KIF1B: variants seen among roughly 807,000 people sequenced by gnomAD.
The protein encoded by KIF1B is kinesin-like protein KIF1B.
Under a neutral mutation model 241.9 loss-of-function variants are expected in KIF1B, and 76 were observed. The ratio of observed to expected loss-of-function variants is 0.31; its 90% CI spans 0.26 to 0.38. The LOEUF (loss-of-function observed/expected upper bound fraction) is 0.38. KIF1B is among the 10% of genes least tolerant of loss of function. KIF1B has a pLI of 1.00. For missense variants in KIF1B, 1,622 were observed against 2,271.4 expected (o/e 0.71, Z 5.81); for synonymous variants, 750 against 796.7 (o/e 0.94, Z 0.99).
intron 26 of KIF1B, among the ~76,000 whole-genome samples, chr1:10,325,261 ATTTG>A (rs921271861): frequency 1.1e-4 from 17 of 152,264 alleles, no homozygotes; most frequent in African/African-American, 1.7e-4. Context: ...TCGTGATCTG[ATTTG>A]TTTTTCTTTT....
chr1:10,303,253 C>A lies in KIF1B; in HGVS notation c.2115+6007C>A. On this transcript the variant is annotated intron_variant, in intron 22 of 48. Coordinates refer to ENST00000676179, the MANE Select transcript of KIF1B (RefSeq NM_001365951.3). This position sits in a 1 kb window ranked among gnomAD's most constrained non-coding sequence, Gnocchi z 5.2. ...TACTTCTCTGAGAGAAAAGCTACCT[C>A]CCAGCAAGTTGCAAACCATTGTTAA... is the stretch of plus-strand genomic sequence containing the variant. 1 of 1,614,118 alleles carries A rather than the reference C, an allele frequency of 6.2e-7. No homozygotes were observed. Among genetic ancestry groups the A allele is most frequent in the Non-Finnish European group, 8.5e-7 (1 of 1,180,006 alleles).
intron 15 of KIF1B, among the ~76,000 whole-genome samples, chr1:10,289,799 G>A (rs1467148094): frequency 2.0e-5 from 3 of 152,124 alleles, no homozygotes; most frequent in Non-Finnish European, 2.9e-5. Context: ...CAGGAGAATC[G>A]CTTGAACCTG....
chr1:10,338,432 A>G (rs1652263649), intron 31 of KIF1B, among the ~76,000 whole-genome samples: 1 of 152,256 alleles, frequency 6.6e-6, no homozygotes, highest in African/African-American at 2.4e-5. Flanking sequence ...TTGTTGGAAT[A>G]TTACCCATTG....
intron 22 of KIF1B, chr1:10,307,257 C>G (rs1419228178): frequency 9.8e-7 from 1 of 1,021,306 alleles, no homozygotes; most frequent in African/African-American, 1.7e-5. Flanking sequence ...AAATAAGTAA[C>G]TAGTGCCATG....
chr1:10,257,835 C>T (rs1022079717), intron 3 of KIF1B, among the ~76,000 whole-genome samples: 6 of 152,012 alleles, frequency 3.9e-5, no homozygotes, highest in Admixed American at 2.0e-4. Context: ...GCCACCACAC[C>T]CGGCTGATTT....
chr1:10,252,833 TCTTA>T lies in KIF1B; in HGVS notation c.107-3409_107-3406del, dbSNP rs577874805. Among the ~76,000 whole-genome samples the T allele has an allele frequency of 3.3e-3, 498 of 151,834 alleles. 2 individuals carry two copies. The highest frequency in any genetic ancestry group is 0.012 in the South Asian group (57 of 4,798). On this transcript the variant is annotated intron_variant, in intron 2 of 48. Coordinates refer to ENST00000676179, the MANE Select transcript of KIF1B (RefSeq NM_001365951.3). ...CTCTCGGGTTCAAGCAATTCTCCTG[TCTTA>T]CTTAGCCTCCCGAGTAGCTGGGATT...
At chr1:10,331,875 A>G (rs1651933162) in intron 27 of KIF1B, among the ~76,000 whole-genome samples, 1 of 152,232 alleles carries the variant, frequency 6.6e-6, no homozygotes, top group Admixed American at 6.5e-5. Flanking sequence ...GCTTTTTTAA[A>G]AAAGTAGTAG....
chr1:10,276,483 T>C (rs994372288), intron 12 of KIF1B, 84 bp downstream of exon 12: 15 of 878,152 alleles, frequency 1.7e-5, no homozygotes, highest in Non-Finnish European at 2.8e-5. Context: ...TTTTATGCTA[T>C]CTGGGTAGTT....
intron 4 of KIF1B, among the ~76,000 whole-genome samples, chr1:10,259,650 C>A (rs1195467016): frequency 2.0e-5 from 3 of 151,916 alleles, no homozygotes; most frequent in African/African-American, 7.3e-5. Flanking sequence ...CAATAGGCAC[C>A]CACCACTATG....
At chr1:10,355,357 T>G (rs1652940060) in intron 38 of KIF1B, 1 of 152,642 alleles carries the variant, frequency 6.6e-6, no homozygotes, top group Non-Finnish European at 1.5e-5. Flanking sequence ...AAGCCTTTTC[T>G]ATGTTTTTGC....
chr1:10,313,652 A>G (rs558990066), intron 22 of KIF1B, among the ~76,000 whole-genome samples: 13 of 142,964 alleles, frequency 9.1e-5, no homozygotes, highest in East Asian at 4.2e-4. Flanking sequence ...CTGGGTTCAC[A>G]CCATTCTCCT....
At chr1:10,294,847 G>A (rs1377030468) in intron 17 of KIF1B, among the ~76,000 whole-genome samples, 2 of 152,172 alleles carry the variant, frequency 1.3e-5, no homozygotes, top group Admixed American at 1.3e-4. Context: ...TAGACAGAGC[G>A]AGACTCTGTC....
At chr1:10,308,691 C>A in intron 22 of KIF1B, 1 of 884,774 alleles carries the variant, frequency 1.1e-6, no homozygotes, top group Non-Finnish European at 1.4e-6. Flanking sequence ...GCTTTTTCAT[C>A]TGAAGATGGT....
At chr1:10,331,987 G>A (rs957630767) in intron 27 of KIF1B, among the ~76,000 whole-genome samples, 5 of 152,142 alleles carry the variant, frequency 3.3e-5, no homozygotes, top group Admixed American at 2.6e-4. Flanking sequence ...ATGCATTTCT[G>A]AATTAGGTTT....
intron 24 of KIF1B, among the ~76,000 whole-genome samples, chr1:10,322,363 C>T (rs907495443): frequency 6.6e-6 from 1 of 152,134 alleles, no homozygotes. Flanking sequence ...CCTCCATTCC[C>T]CCATCTACAT....
intron 22 of KIF1B, chr1:10,306,982 G>A (rs1039045632): frequency 3.3e-5 from 34 of 1,041,156 alleles, no homozygotes; most frequent in Non-Finnish European, 3.7e-5. Context: ...TTCATTTACA[G>A]CTGTGGATTG....
In KIF1B at chr1:10,365,797, C is replaced by T; in HGVS notation, c.4752+149C>T. 2 of 1,176,768 alleles carry T rather than the reference C, an allele frequency of 1.7e-6. No individual in the cohort carries two copies. The highest frequency in any genetic ancestry group is 2.4e-6 in the Non-Finnish European group (2 of 816,700). The allele number at this position is 1,176,768 out of a possible 1,614,324, so 72.9% of individuals were successfully genotyped here. On this transcript the variant is annotated intron_variant, in intron 43 of 48. Transcript: ENST00000676179. This position sits in a 1 kb window ranked among gnomAD's most constrained non-coding sequence, Gnocchi z 4.0. ...TAGAAATAAAAAGACGCAGTTCCTA[C>T]CCTCAACAAGCTTACAGGGCCAGGC...
chr1:10,212,631 C>T (rs1348396809), intron 1 of KIF1B, among the ~76,000 whole-genome samples: 1 of 151,968 alleles, frequency 6.6e-6, no homozygotes, highest in Non-Finnish European at 1.5e-5. Context: ...GCCTTGTAAT[C>T]CCAACACTTT....
intron 4 of KIF1B, among the ~76,000 whole-genome samples, chr1:10,259,961 A>G (rs190338528): frequency 1.3e-4 from 19 of 149,834 alleles, no homozygotes; most frequent in Admixed American, 9.3e-4. Context: ...AAAACTTAAG[A>G]AAAAAAAAAG....
Sources: gnomAD v4.1 joint callset for allele counts (sites outside exome capture counted in the v4.1 genomes callset) on GRCh38, gnomAD v4.1.1 for gene constraint, Gnocchi (gnomAD v3.1) non-coding constraint, MANE v1.5 for transcripts, NCBI Gene and HGNC (gene_info 2026-07-23, HGNC 2026-07-21) for gene names.